The following RALYL variants were observed in gnomAD, a reference collection of about 807,000 sequenced individuals.
RALYL encodes the protein RALY RNA binding protein like, also known as RNA-binding Raly-like protein.
In RALYL, 29 loss-of-function variants were observed where a neutral mutation model predicts 35.1. That is an observed-to-expected ratio of 0.83 (90% confidence interval 0.61 to 1.13). RALYL has a LOEUF of 1.13. Among genes scored for constraint, RALYL ranks in the 50% most tolerant of loss-of-function variants. The pLI, the probability that RALYL is intolerant of heterozygous loss-of-function variation, is 0.00. For synonymous variants in RALYL, 120 were observed against 127.6 expected (o/e 0.94, Z 0.40); for missense variants, 359 against 360.4 (o/e 1.00, Z 0.03).
rs1349017571 is a variant in RALYL at position 84,815,431 on chromosome 8, A to T, written c.365+10629A>T. Among the ~76,000 whole-genome samples the T allele has an allele frequency of 1.8e-4, 27 of 147,968 alleles. No individual in the cohort carries two copies. In the South Asian group the frequency reaches 5.7e-3, roughly 31 times the overall value. On this transcript the variant is annotated intron_variant, in intron 4 of 8. Transcript: ENST00000521268. ...TACTATTTATATATTTATTAAATAT[A>T]TTTAAATTTATTATAAATACATAAT...
chr8:84,395,299 G>A (rs1861551321), intron 1 of RALYL, among the ~76,000 whole-genome samples: 1 of 151,658 alleles, frequency 6.6e-6, no homozygotes, highest in African/African-American at 2.4e-5. Context: ...ACCACATTGT[G>A]TCCTCTTATT....
At chr8:84,917,146 C>T (rs1848604982) in intron 8 of RALYL, among the ~76,000 whole-genome samples, 1 of 152,096 alleles carries the variant, frequency 6.6e-6, no homozygotes, top group Non-Finnish European at 1.5e-5. Context: ...ACAAAACCCA[C>T]TGATTTGGGC....
intron 2 of RALYL, among the ~76,000 whole-genome samples, chr8:84,689,082 A>T (rs528620760): frequency 3.1e-4 from 47 of 150,340 alleles, no homozygotes; most frequent in Admixed American, 1.1e-3. Flanking sequence ...TTTTTTTTTT[A>T]AATTTATTAT....
intron 1 of RALYL, among the ~76,000 whole-genome samples, chr8:84,405,690 A>G (rs1462090072): frequency 2.0e-5 from 3 of 152,172 alleles, no homozygotes; most frequent in Non-Finnish European, 4.4e-5. Flanking sequence ...AAGTTTTAAC[A>G]AGAGAATAGA....
At chr8:84,916,800 C>A (rs1311177540) in intron 8 of RALYL, among the ~76,000 whole-genome samples, 1 of 151,998 alleles carries the variant, frequency 6.6e-6, no homozygotes, top group East Asian at 1.9e-4. Flanking sequence ...ATATTGTTTT[C>A]AATTTGAAAT....
rs1831648154 is a variant in RALYL, at chr8:84,258,647, A to G, written c.-24+74223A>G. On this transcript the variant is annotated intron_variant, in intron 1 of 8. Coordinates refer to ENST00000521268, the MANE Select transcript of RALYL (RefSeq NM_173848.7). The stretch of plus-strand genomic sequence containing the variant: ...AGATTGTAATACAGTCAGAGAAATT[A>G]CAGTAGTTTTAATGGTTGGAAAGTA... 2.0e-5 allele frequency among the ~76,000 whole-genome samples: 3 copies of G among 152,188 alleles called. No individual in the cohort carries two copies. In the South Asian group the frequency reaches 6.2e-4, roughly 31 times the overall value.
intron 4 of RALYL, among the ~76,000 whole-genome samples, chr8:84,821,141 A>G (rs1159009689): frequency 4.6e-5 from 7 of 152,220 alleles, no homozygotes. Context: ...TTTTCAATTA[A>G]ATAATACTTG....
chr8:84,369,449 C>G (rs1855228828), intron 1 of RALYL, among the ~76,000 whole-genome samples: 1 of 152,004 alleles, frequency 6.6e-6, no homozygotes, highest in South Asian at 2.1e-4. Context: ...GATTGTTTCT[C>G]CTCTCTGACT....
At chr8:84,189,232 T>C (rs1417976694) in intron 1 of RALYL, among the ~76,000 whole-genome samples, 1 of 152,228 alleles carries the variant, frequency 6.6e-6, no homozygotes, top group Non-Finnish European at 1.5e-5. Context: ...AGTGCTCTTA[T>C]ATTACAAAAT....
intron 1 of RALYL, among the ~76,000 whole-genome samples, chr8:84,233,238 G>T (rs1183127583): frequency 6.6e-6 from 1 of 152,002 alleles, no homozygotes; most frequent in African/African-American, 2.4e-5. Context: ...TCCCGACTTG[G>T]GCTCCCAAAG....
chr8:84,435,953 G>T (rs1394003541), intron 1 of RALYL, among the ~76,000 whole-genome samples: 1 of 152,134 alleles, frequency 6.6e-6, no homozygotes, highest in Non-Finnish European at 1.5e-5. Flanking sequence ...GATTAAAAGT[G>T]TCTGGAGGTG....
At chr8:84,728,201 G>T (rs900350057) in intron 2 of RALYL, among the ~76,000 whole-genome samples, 5 of 151,800 alleles carry the variant, frequency 3.3e-5, no homozygotes, top group East Asian at 1.9e-4. Flanking sequence ...CTGTGGTTTT[G>T]ATTTGCATTT....
intron 1 of RALYL, among the ~76,000 whole-genome samples, chr8:84,482,600 G>A (rs1301353299): frequency 1.3e-5 from 2 of 151,932 alleles, no homozygotes; most frequent in African/African-American, 4.8e-5. Flanking sequence ...GACCATAATG[G>A]TCATGAAAAC....
At chr8:84,746,148 C>A (rs751197775) in intron 2 of RALYL, among the ~76,000 whole-genome samples, 7 of 151,942 alleles carry the variant, frequency 4.6e-5, no homozygotes, top group South Asian at 4.1e-4. Context: ...AATTTGAATT[C>A]TCTCCAAAGA....
chr8:84,836,478 G>C (rs1166734980), intron 4 of RALYL, among the ~76,000 whole-genome samples: 1 of 152,122 alleles, frequency 6.6e-6, no homozygotes, highest in East Asian at 1.9e-4. Context: ...AAAGGTCCTT[G>C]AAAATAAATT....
chr8:84,533,601 T>C (rs976992821), intron 2 of RALYL, among the ~76,000 whole-genome samples: 34 of 152,192 alleles, frequency 2.2e-4, no homozygotes, highest in Non-Finnish European at 1.5e-4. Flanking sequence ...AAAAATAATT[T>C]ATCTAGAGCA....
chr8:84,304,448 T>C (rs1026511834), intron 1 of RALYL, among the ~76,000 whole-genome samples: 2 of 152,210 alleles, frequency 1.3e-5, no homozygotes, highest in Admixed American at 6.5e-5. Context: ...ATATGGGATA[T>C]TAGTGAAGTC....
intron 1 of RALYL, among the ~76,000 whole-genome samples, chr8:84,506,262 G>C (rs563800472): frequency 6.6e-5 from 10 of 152,028 alleles, no homozygotes; most frequent in African/African-American, 2.4e-4. Flanking sequence ...TTACAAATAG[G>C]GTAAATGAAG....
At chr8:84,781,614 A>G (rs1818178245) in intron 3 of RALYL, among the ~76,000 whole-genome samples, 1 of 152,220 alleles carries the variant, frequency 6.6e-6, no homozygotes, top group African/African-American at 2.4e-5. Context: ...TTGGTTTGAC[A>G]TAGTTTATGA....
Sources: gnomAD v4.1 joint callset for allele counts (sites outside exome capture counted in the v4.1 genomes callset) on GRCh38, gnomAD v4.1.1 for gene constraint, MANE v1.5 for transcripts, NCBI Gene and HGNC (gene_info 2026-07-23, HGNC 2026-07-21) for gene names.